PFAS: variants seen among roughly 807,000 people sequenced by gnomAD.
PFAS encodes the protein FGAM synthase.
Under a neutral mutation model 140.6 loss-of-function variants are expected in PFAS, and 97 were observed. That is an observed-to-expected ratio of 0.69 (90% CI 0.59 to 0.82). PFAS has a LOEUF of 0.82. Among genes scored for constraint, PFAS ranks in the 40% least tolerant of loss-of-function variants. PFAS has a pLI of 0.00. For synonymous variants in PFAS, 679 were observed against 718.8 expected (o/e 0.94, Z 0.88); for missense variants, 1,656 against 1,780.2 (o/e 0.93, Z 1.26).
rs963544233 is a variant in PFAS, at chr17:8,269,597, C to T, written c.*333C>T. The T allele has an allele frequency of 3.0e-4, 77 of 258,338 alleles. No individual in the cohort carries two copies. Among genetic ancestry groups the T allele is most frequent in the African/African-American group, 1.6e-3 (74 of 45,656 alleles). 16.0% of individuals were successfully genotyped at this position (258,338 alleles called of 1,614,324 possible). ...CCACTTCACAACACCCAGTGATCACCGGTGTGCAATTGCCTCCTTGGCTCT... is the reference window on the plus strand; with the variant it reads ...CCACTTCACAACACCCAGTGATCACTGGTGTGCAATTGCCTCCTTGGCTCT... On this transcript the variant is annotated 3_prime_UTR_variant, in exon 28 of 28. Transcript: ENST00000314666.
chr17:8,255,387 G>T, intron 4 of PFAS, 115 bp from the exon 5 acceptor site: 4 of 795,284 alleles, frequency 5.0e-6, no homozygotes, highest in Non-Finnish European at 8.1e-6. Context: ...GAGAAAAAGT[G>T]CCATATGGTG....
Position 8,265,440 on chromosome 17 carries a change from G to T in PFAS, c.2433G>T (p.Arg811=). 6.2e-7 allele frequency: 1 copy of T among 1,614,094 alleles called. No individual in the cohort carries two copies. The highest frequency in any genetic ancestry group is 8.5e-7 in the Non-Finnish European group (1 of 1,180,006). The change falls in exon 19 of 28, where the codon CGG becomes CGT. Residue 811 remains arginine, a synonymous_variant. Transcript: ENST00000314666. ...GGKDSLSMAA[R]VGTETVRAPG... Reference sequence around the variant, plus strand: ...AGGACTCCCTCAGCATGGCTGCTCGGGTTGGCACTGAGACCGTGCGGGCTC... The same window carrying T: ...AGGACTCCCTCAGCATGGCTGCTCGTGTTGGCACTGAGACCGTGCGGGCTC...
At chr17:8,257,758 G>C in intron 9 of PFAS, 49 bp from the exon 10 acceptor site, 1 of 1,607,456 alleles carries the variant, frequency 6.2e-7, no homozygotes, top group Non-Finnish European at 8.5e-7. Flanking sequence ...GCTCCGGCCT[G>C]TCTTCACAGT....
rs745807530 is a variant in PFAS, at chr17:8,265,851, C to G, written c.2546-11C>G. 1 of 1,589,080 alleles carries G rather than the reference C, an allele frequency of 6.3e-7. No individual in the cohort carries two copies. The highest frequency in any genetic ancestry group is 1.1e-5 in the South Asian group (1 of 87,254). ...CTGTTCCCCTCCCCTCACCCCTCCCCGTCTCCCCAGGCCATCTGCTCTATG... is the reference window on the plus strand; with the variant it reads ...CTGTTCCCCTCCCCTCACCCCTCCCGGTCTCCCCAGGCCATCTGCTCTATG... On this transcript the variant is annotated splice_polypyrimidine_tract_variant and intron_variant, in intron 20 of 27. Transcript: ENST00000314666.
At position 8,268,957 on chromosome 17, in the gene PFAS, A is replaced by G; in HGVS notation, c.3710A>G (p.Tyr1237Cys). The G allele has an allele frequency of 6.2e-7, 1 of 1,614,128 alleles. No homozygotes were observed. The highest frequency in any genetic ancestry group is 1.1e-5 in the South Asian group (1 of 91,082). ...TTCCCTCCTCCTTCCATCCCAGGTT[A>G]CGTAGCATTTTCTTCTCCGGAACTC... Reference protein sequence around the residue: ...LPVWSAHGEGYVAFSSPELQA... With the variant: ...LPVWSAHGEGCVAFSSPELQA... The change falls in exon 28 of 28, where the codon TAC becomes TGC. Residue 1237 changes from tyrosine (Y) to cysteine (C), a missense_variant. Tyr to Cys is a radical substitution (Grantham distance 194). This residue lies in a region of PFAS where 883 missense variants were observed against 1,023.0 expected (regional missense o/e 0.86). Transcript: ENST00000314666.
intron 1 of PFAS, among the ~76,000 whole-genome samples, chr17:8,250,466 G>C (rs1989108233): frequency 1.3e-5 from 2 of 152,196 alleles, no homozygotes; most frequent in African/African-American, 4.8e-5. Context: ...ATTGGATTTA[G>C]AGAGTCTGAG....
At chr17:8,258,285 C>A (rs535143667) in intron 11 of PFAS, 86 bp downstream of exon 11, 3 of 1,433,100 alleles carry the variant, frequency 2.1e-6, no homozygotes, top group East Asian at 4.6e-5. Flanking sequence ...GGGAACACTT[C>A]AGTGGTTAGT....
At chr17:8,257,996 G>C in intron 10 of PFAS, 58 bp downstream of exon 10, 2 of 1,611,990 alleles carry the variant, frequency 1.2e-6, no homozygotes, top group Non-Finnish European at 1.7e-6. Context: ...GGTGGGGTGT[G>C]CGACCCAGGG....
chr17:8,258,444 C>G (rs1441697643), intron 11 of PFAS, among the ~76,000 whole-genome samples: 1 of 152,230 alleles, frequency 6.6e-6, no homozygotes, highest in Non-Finnish European at 1.5e-5. Context: ...ACGATCCACA[C>G]AGCCTCTTAC....
intron 9 of PFAS, among the ~76,000 whole-genome samples, chr17:8,257,412 T>C (rs530645882): frequency 3.3e-4 from 50 of 152,204 alleles, no homozygotes; most frequent in Admixed American, 2.2e-3. Context: ...AAAAATTAGC[T>C]GGGCGTGGTG....
chr17:8,266,789 T>C lies in PFAS; in HGVS notation c.2858T>C (p.Val953Ala). Residue 953 changes from valine (V) to alanine (A), a missense_variant, in exon 23 of 28, where the codon GTG (valine) becomes GCG (alanine). Around this residue, in one of 2 missense-constraint regions of PFAS, gnomAD observed 883 missense variants for 1,023.0 expected, o/e 0.86. Transcript: ENST00000314666. The surrounding 1 kb of genome is among the most constrained non-coding windows in gnomAD (Gnocchi z 5.0). ...CTGTTCGCTGAGGAGCCAGGCCTCGTGCTGGAGGTGCAGGAGCCAGACCTG... is the reference window on the plus strand; with the variant it reads ...CTGTTCGCTGAGGAGCCAGGCCTCGCGCTGGAGGTGCAGGAGCCAGACCTG... The part of the protein sequence containing the change: ...SVLFAEEPGL[V>A]LEVQEPDLAQ... 1 of 1,612,306 alleles carries C rather than the reference T, an allele frequency of 6.2e-7. No individual in the cohort carries two copies.
In PFAS at chr17:8,266,659, A is replaced by AC; in HGVS notation, c.2822-91dup. 6.6e-7 allele frequency: 1 copy of AC among 1,521,038 alleles called. No individual in the cohort carries two copies. Among genetic ancestry groups the AC allele is most frequent in the Non-Finnish European group, 8.8e-7 (1 of 1,140,018 alleles). The allele number at this position is 1,521,038 out of a possible 1,614,324, so 94.2% of individuals were successfully genotyped here. A position where few individuals can be genotyped will look rare whatever the true frequency, so the allele number is the denominator to read the frequency against. ...CCTACTCTCTGGCTGCATCCCTCTG[A>AC]CCCTCACCCTGGCCCTTCCTGCATT... On this transcript the variant is annotated intron_variant, in intron 22 of 27. Transcript: ENST00000314666. The surrounding 1 kb of genome is among the most constrained non-coding windows in gnomAD (Gnocchi z 5.0).
Position 8,265,412 on chromosome 17 carries a change from G to A in PFAS, c.2405G>A (p.Gly802Asp), listed in dbSNP as rs1236979916. Residue 802 changes from glycine (G) to aspartate (D), a missense_variant, in exon 19 of 28, where the codon GGC (glycine) becomes GAC (aspartate). Gly to Asp is a moderately conservative substitution (Grantham distance 94). Coordinates refer to ENST00000314666, the MANE Select transcript of PFAS (RefSeq NM_012393.3). ...MAALGVAVDG[G>D]KDSLSMAARV... is the part of the protein sequence containing the mutation. Reference sequence around the variant, plus strand: ...GCCCTGGGTGTGGCAGTGGATGGTGGCAAGGACTCCCTCAGCATGGCTGCT... The same window carrying A: ...GCCCTGGGTGTGGCAGTGGATGGTGACAAGGACTCCCTCAGCATGGCTGCT... 1.4e-5 allele frequency: 23 copies of A among 1,614,146 alleles called. No individual in the cohort carries two copies. The highest frequency in any genetic ancestry group is 1.9e-5 in the Non-Finnish European group (23 of 1,180,012).
At chr17:8,256,708 C>T in intron 8 of PFAS, 60 bp downstream of exon 8, 2 of 1,592,780 alleles carry the variant, frequency 1.3e-6, no homozygotes, top group Admixed American at 3.6e-5. Context: ...GCAAAGGTCC[C>T]AGGCCCCTGG....
intron 11 of PFAS, among the ~76,000 whole-genome samples, chr17:8,260,531 A>T (rs1400884100): frequency 1.3e-5 from 2 of 152,210 alleles, no homozygotes; most frequent in Non-Finnish European, 2.9e-5. Flanking sequence ...TTGTTTACCC[A>T]TTCCTTAGTT....
intron 1 of PFAS, among the ~76,000 whole-genome samples, chr17:8,251,455 A>ATT (rs1020160362): frequency 6.9e-6 from 1 of 145,108 alleles, no homozygotes; most frequent in African/African-American, 2.5e-5. Flanking sequence ...CTAATTTTTA[A>ATT]TTTTTTTTTT....
rs1406367631 is a variant in PFAS at position 8,254,302 on chromosome 17, G to T, written c.278+1G>T. On this transcript the variant is annotated splice_donor_variant, in intron 3 of 27. Coordinates refer to ENST00000314666, the MANE Select transcript of PFAS (RefSeq NM_012393.3). LOFTEE classifies it high-confidence loss of function. Reference sequence around the variant, plus strand: ...ACCTGCTGCTGGAGGTCGGGCCCAGGTAAGTATCTCATCCTGCCCACCCCT... The same window carrying T: ...ACCTGCTGCTGGAGGTCGGGCCCAGTTAAGTATCTCATCCTGCCCACCCCT... 1 of 1,613,848 alleles carries T rather than the reference G, an allele frequency of 6.2e-7. No individual in the cohort carries two copies. Among genetic ancestry groups the T allele is most frequent in the African/African-American group, 1.3e-5 (1 of 74,896 alleles).
rs1211077536 is a variant in PFAS, at chr17:8,265,055, A to C, written c.2210A>C (p.Lys737Thr). The C allele has an allele frequency of 6.2e-7, 1 of 1,613,558 alleles. No individual in the cohort carries two copies. Among genetic ancestry groups the C allele is most frequent in the Non-Finnish European group, 8.5e-7 (1 of 1,179,976 alleles). Residue 737 changes from lysine (K) to threonine (T), a missense_variant, in exon 18 of 28, where the codon AAA becomes ACA. Physicochemically the swap from Lys to Thr is moderately conservative, Grantham distance 78. This residue lies in a region of PFAS where 883 missense variants were observed against 1,023.0 expected (regional missense o/e 0.86). Coordinates refer to ENST00000314666, the MANE Select transcript of PFAS (RefSeq NM_012393.3). ...CCAGTCAAGAGCCTGCTGGACCCAA[A>C]AGTCGCCGCCCGGCTGGCCGTGGCC... ...EQPVKSLLDPKVAARLAVAEA... is the reference protein window; with the variant it reads ...EQPVKSLLDPTVAARLAVAEA...
chr17:8,248,755 C>T (rs1222132956), upstream of PFAS, among the ~76,000 whole-genome samples: 1 of 152,052 alleles, frequency 6.6e-6, no homozygotes, highest in Admixed American at 6.6e-5. Flanking sequence ...GACATGGTTT[C>T]GCCATGTTGC....
Sources: gnomAD v4.1 joint callset for allele counts (sites outside exome capture counted in the v4.1 genomes callset) on GRCh38, gnomAD v4.1.1 for gene constraint, gnomAD v4.1.1 regional missense constraint, Gnocchi (gnomAD v3.1) non-coding constraint, MANE v1.5 for transcripts, NCBI Gene and HGNC (gene_info 2026-07-23, HGNC 2026-07-21) for gene names.